Variants in PLPPR3 observed in about 807,000 individuals in gnomAD.
The protein encoded by PLPPR3 is phospholipid phosphatase-related protein type 3.
PLPPR3 carries 14 observed loss-of-function variants against 27.3 expected under a neutral mutation model. The observed-to-expected ratio is 0.51, with a 90% confidence interval of 0.34 to 0.80. The LOEUF is 0.80. PLPPR3 is among the 30% of genes least tolerant of loss of function. The probability of loss-of-function intolerance (pLI) is 0.01; values close to 1 mark genes in which losing one functional copy is unlikely to be tolerated. For missense variants in PLPPR3, 1,287 were observed against 1,056.9 expected, an observed-to-expected ratio of 1.22 and a Z score of -3.02; for synonymous variants, 671 against 508.0, an observed-to-expected ratio of 1.32 and a Z score of -4.32.
At position 813,996 on chromosome 19, in the gene PLPPR3, G is replaced by A; in HGVS notation, c.832-101C>T. ...GGGGGGCTCTGGACCGGGGGTGGGG[G>A]CTGGCAAGCTCTTGTCCAGTGGGAC... is the stretch of plus-strand genomic sequence containing the variant. On this transcript the variant is annotated intron_variant, in intron 7 of 7. Transcript: ENST00000520876. The surrounding 1 kb of genome is among the most constrained non-coding windows in gnomAD (Gnocchi z 4.1). 3 of 1,164,286 alleles carry A rather than the reference G, an allele frequency of 2.6e-6. No homozygotes were observed. The highest frequency in any genetic ancestry group is 2.3e-6 in the Non-Finnish European group (2 of 866,738). The allele number at this position is 1,164,286 out of a possible 1,614,324, so 72.1% of individuals were successfully genotyped here. A position where few individuals can be genotyped will look rare whatever the true frequency, so the allele number is the denominator to read the frequency against.
chr19:814,452 C>T lies in PLPPR3; in HGVS notation c.813G>A (p.Ala271=), dbSNP rs3746138. The T allele has an allele frequency of 0.016, 25,420 of 1,603,700 alleles. 231 individuals carry two copies. The highest frequency in any genetic ancestry group is 0.046 in the Admixed American group (2,738 of 59,822). Residue 271 remains alanine, a synonymous_variant, in exon 7 of 8, where the codon GCG becomes GCA. Coordinates refer to ENST00000520876, the MANE Select transcript of PLPPR3 (RefSeq NM_001270366.2). ...CACTCACCAGGTAGGCAGCGATGCCCGCCCCGATGAGGAAGCCGGCATACA... is the reference window on the plus strand; with the variant it reads ...CACTCACCAGGTAGGCAGCGATGCCTGCCCCGATGAGGAAGCCGGCATACA... ...VDVYAGFLIG[A]GIAAYLACHA...
rs1816756501 is a variant in PLPPR3, at chr19:812,799, A to G, written c.1928T>C (p.Val643Ala). The G allele has an allele frequency of 9.2e-7, 1 of 1,092,214 alleles. No homozygotes were observed. Among genetic ancestry groups the G allele is most frequent in the Admixed American group, 5.3e-5 (1 of 18,718 alleles). The allele number at this position is 1,092,214 out of a possible 1,614,324, so 67.7% of individuals were successfully genotyped here. A position where few individuals can be genotyped will look rare whatever the true frequency, so the allele number is the denominator to read the frequency against. Residue 643 changes from valine to alanine, a missense_variant, in exon 8 of 8, where the codon GTC becomes GCC. Transcript: ENST00000520876. ...CGGCTCCTCCTGGTCCACGTCGCTG[A>G]CCGACGAGCCGGGGGACACGCCCGG... ...KPPGVSPGSS[V>A]SDVDQEEPRF...
In PLPPR3 at chr19:813,218, C is replaced by T. The variant is rs1351350438; in HGVS notation, c.1509G>A (p.Thr503=). Residue 503 remains threonine, a synonymous_variant, in exon 8 of 8, where the codon ACG becomes ACA. Coordinates refer to ENST00000520876, the MANE Select transcript of PLPPR3 (RefSeq NM_001270366.2). This position sits in a 1 kb window ranked among gnomAD's most constrained non-coding sequence, Gnocchi z 4.1. ...CGCTTTTGGGGGACAGGCCGGCCCC[C>T]GTCTGCGCGCCCTCCTCCGGGATGT... ...LVHIPEEGAQ[T]GAGLSPKSGA... is the part of the protein sequence containing the mutation. The T allele has an allele frequency of 6.7e-6, 10 of 1,489,092 alleles. No individual in the cohort carries two copies. The highest frequency in any genetic ancestry group is 2.5e-5 in the South Asian group (2 of 78,614). 92.2% of individuals were successfully genotyped at this position (1,489,092 alleles called of 1,614,324 possible).
In PLPPR3 at chr19:813,415, G is replaced by A. The variant is rs1258888065; in HGVS notation, c.1312C>T (p.Pro438Ser). 7 of 1,500,652 alleles carry A rather than the reference G, an allele frequency of 4.7e-6. No homozygotes were observed. The highest frequency in any genetic ancestry group is 6.2e-6 in the Non-Finnish European group (7 of 1,132,416). The allele number at this position is 1,500,652 out of a possible 1,614,324, so 93.0% of individuals were successfully genotyped here. The change falls in exon 8 of 8, where the codon CCC becomes TCC. Residue 438 changes from proline to serine, a missense_variant. Coordinates refer to ENST00000520876, the MANE Select transcript of PLPPR3 (RefSeq NM_001270366.2). The surrounding 1 kb of genome is among the most constrained non-coding windows in gnomAD (Gnocchi z 4.1). ...TCCTCTTCCTCCTCCTCCGCCATGGGTTCGGCGGGCGCGCGCAGGTGCCCG... is the reference window on the plus strand; with the variant it reads ...TCCTCTTCCTCCTCCTCCGCCATGGATTCGGCGGGCGCGCGCAGGTGCCCG... ...SPGHLRAPAE[P>S]MAEEEEEEED... is the part of the protein sequence containing the mutation.
Position 812,811 on chromosome 19 carries a change from G to C in PLPPR3, c.1916C>G (p.Pro639Arg), listed in dbSNP as rs921654431. The C allele has an allele frequency of 7.3e-6, 8 of 1,098,378 alleles. No individual in the cohort carries two copies. In the African/African-American group the frequency reaches 1.4e-4, roughly 19 times the overall value. The allele number at this position is 1,098,378 out of a possible 1,614,324, so 68.0% of individuals were successfully genotyped here. The change falls in exon 8 of 8, where the codon CCC becomes CGC. Residue 639 changes from proline (P) to arginine (R), a missense_variant. Coordinates refer to ENST00000520876, the MANE Select transcript of PLPPR3 (RefSeq NM_001270366.2). ...RGGAKPPGVS[P>R]GSSVSDVDQE... ...GTCCACGTCGCTGACCGACGAGCCG[G>C]GGGACACGCCCGGGGGCTTGGCCCC...
intron 2 of PLPPR3, 130 bp from the exon 3 acceptor site, chr19:815,981 CTT>C: frequency 1.2e-6 from 1 of 861,006 alleles, no homozygotes; most frequent in Non-Finnish European, 1.8e-6. Flanking sequence ...CCCAGCCACT[CTT>C]TCCCCCATGA....
intron 7 of PLPPR3, 87 bp downstream of exon 7, chr19:814,346 TC>T: frequency 7.6e-7 from 1 of 1,316,100 alleles, no homozygotes; most frequent in Non-Finnish European, 1.0e-6. Flanking sequence ...TGGGCCAGCC[TC>T]CCCACTCAGG....
upstream of PLPPR3, among the ~76,000 whole-genome samples, chr19:823,168 G>A (rs2035173736): frequency 6.6e-6 from 1 of 151,592 alleles, no homozygotes; most frequent in Non-Finnish European, 1.5e-5. Context: ...CAGGCTGGGT[G>A]CAGTGGCTCA....
intron 1 of PLPPR3, 119 bp from the exon 2 acceptor site, chr19:821,704 C>A: frequency 2.1e-6 from 1 of 474,064 alleles, no homozygotes; most frequent in South Asian, 4.8e-5. Flanking sequence ...AGAGCGGCGT[C>A]CGCGTGGCCT....
At chr19:821,442 A>G in intron 2 of PLPPR3, 43 bp downstream of exon 2, 1 of 1,487,216 alleles carries the variant, frequency 6.7e-7, no homozygotes, top group East Asian at 2.9e-5. Context: ...GGGCGGGCGG[A>G]ACCGAGGCGT....
rs1214033983 is a variant in PLPPR3, at chr19:815,762, A to G, written c.165T>C (p.Tyr55=). Residue 55 remains tyrosine (Y), a synonymous_variant, in exon 3 of 8, where the codon TAT becomes TAC. Transcript: ENST00000520876. ...CGTAGGGCATGGAGAGAGTGCGGTC[A>G]TAGCACTGGAAGCCCACCTTGGCCG... is the stretch of plus-strand genomic sequence containing the variant. ...FKPAKVGFQC[Y]DRTLSMPYVE... is the part of the protein sequence containing the mutation. 1.2e-6 allele frequency: 2 copies of G among 1,612,716 alleles called. No individual in the cohort carries two copies. Among genetic ancestry groups the G allele is most frequent in the Non-Finnish European group, 8.5e-7 (1 of 1,179,894 alleles).
chr19:816,733 G>T (rs1294488367), intron 2 of PLPPR3, among the ~76,000 whole-genome samples: 1 of 102,278 alleles, frequency 9.8e-6, no homozygotes, highest in Non-Finnish European at 2.0e-5. Flanking sequence ...TCATTACCCA[G>T]CCATTCATTC....
chr19:816,865 CATCCACCCATGCAGCCATCCATCT>C (rs2035070427), intron 2 of PLPPR3, among the ~76,000 whole-genome samples: 2 of 151,782 alleles, frequency 1.3e-5, no homozygotes, highest in Admixed American at 6.6e-5. Context: ...ATCCATCCAT[CATCCACCCATGCAGCCATCCATCT>C]ATCCACCCAC....
intron 2 of PLPPR3, among the ~76,000 whole-genome samples, chr19:816,800 C>T (rs1428205917): frequency 8.3e-5 from 10 of 120,894 alleles, no homozygotes; most frequent in Admixed American, 2.6e-4. Context: ...ATGCACCCAA[C>T]AGTACCCATC....
upstream of PLPPR3, among the ~76,000 whole-genome samples, chr19:822,432 A>T (rs2035163108): frequency 6.6e-6 from 1 of 151,708 alleles, no homozygotes; most frequent in Non-Finnish European, 1.5e-5. Context: ...GCGCGTTTCC[A>T]TGGCGAGGCT....
chr19:823,450 A>AAAAACAAAAC (rs1555703873), upstream of PLPPR3, among the ~76,000 whole-genome samples: 5 of 143,838 alleles, frequency 3.5e-5, 1 homozygote, highest in Non-Finnish European at 4.6e-5. Flanking sequence ...TCAAAAAAAA[A>AAAAACAAAAC]AAAAAAAACA....
Position 814,842 on chromosome 19 carries a change from G to A in PLPPR3, c.599+44C>T. 4 of 1,590,946 alleles carry A rather than the reference G, an allele frequency of 2.5e-6. No homozygotes were observed. The Middle Eastern group carries it at 5.0e-4, about 199-fold the overall frequency. ...TCTGTTTCCCCGCATGTTCACCGGG[G>A]CGGAAGAAGGCTCCCAGTCAGGGGA... On this transcript the variant is annotated intron_variant, in intron 5 of 7. Transcript: ENST00000520876.
Position 812,923 on chromosome 19 carries a change from A to C in PLPPR3, c.1804T>G (p.Trp602Gly). The C allele has an allele frequency of 7.5e-7, 1 of 1,328,722 alleles. No individual in the cohort carries two copies. The highest frequency in any genetic ancestry group is 9.6e-7 in the Non-Finnish European group (1 of 1,036,734). The allele number at this position is 1,328,722 out of a possible 1,614,324, so 82.3% of individuals were successfully genotyped here. A position where few individuals can be genotyped will look rare whatever the true frequency, so the allele number is the denominator to read the frequency against. Reference sequence around the variant, plus strand: ...CCGCCGCCCGCCGCCTTCCACTCCCAGGGCGCGCCGCCGGCCGACAGGTGC... The same window carrying C: ...CCGCCGCCCGCCGCCTTCCACTCCCCGGGCGCGCCGCCGGCCGACAGGTGC... ...VVHLSAGGAPWEWKAAGGGAK... is the reference protein window; with the variant it reads ...VVHLSAGGAPGEWKAAGGGAK... The change falls in exon 8 of 8, where the codon TGG becomes GGG. Residue 602 changes from tryptophan to glycine, a missense_variant. Transcript: ENST00000520876.
Position 815,708 on chromosome 19 carries a change from C to T in PLPPR3, c.219G>A (p.Leu73=). The change falls in exon 3 of 8, where the codon CTG becomes CTA. Residue 73 remains leucine (L), a synonymous_variant. Transcript: ENST00000520876. ...CGAAGGCCAAGCTGAGCAGCATCAG[C>T]AGCGGGATGAGCTCCTCGTTGGTCT... is the stretch of plus-strand genomic sequence containing the variant. ...YVETNEELIP[L]LMLLSLAFAA... 1.9e-6 allele frequency: 3 copies of T among 1,607,910 alleles called. No homozygotes were observed. Among genetic ancestry groups the T allele is most frequent in the Non-Finnish European group, 2.5e-6 (3 of 1,177,732 alleles).
Sources: gnomAD v4.1 joint callset for allele counts (sites outside exome capture counted in the v4.1 genomes callset) on GRCh38, gnomAD v4.1.1 for gene constraint, Gnocchi (gnomAD v3.1) non-coding constraint, MANE v1.5 for transcripts, NCBI Gene and HGNC (gene_info 2026-07-23, HGNC 2026-07-21) for gene names.